The following ACTR3C variants were observed in gnomAD, a reference collection of about 807,000 sequenced individuals.
ACTR3C encodes the protein actin-related protein 3C.
ACTR3C carries 18 observed loss-of-function variants against 26.3 expected under a neutral mutation model. The observed-to-expected ratio is 0.68, with a 90% CI of 0.47 to 1.01. ACTR3C has a LOEUF of 1.01. Ranked by LOEUF, ACTR3C falls within the 50% of genes least tolerant of loss-of-function variation. The pLI, the probability that ACTR3C is intolerant of heterozygous loss-of-function variation, is 0.00. For synonymous variants in ACTR3C, 55 were observed against 94.5 expected (o/e 0.58, Z 2.42); for missense variants, 184 against 250.7 (o/e 0.73, Z 1.80).
chr7:149,926,329 A>G, the ACTR3C span, among the ~76,000 whole-genome samples: 1 of 152,192 alleles, frequency 6.6e-6, no homozygotes, highest in South Asian at 2.1e-4. Flanking sequence ...TCCTGCTTGG[A>G]GGAATGGCCT....
chr7:150,177,887 T>C, the ACTR3C span, among the ~76,000 whole-genome samples: 3 of 150,854 alleles, frequency 2.0e-5, no homozygotes, highest in African/African-American at 5.0e-5. Context: ...ATATTGTAGA[T>C]AGACAATTAC....
the ACTR3C span, among the ~76,000 whole-genome samples, chr7:149,980,061 A>G: frequency 6.6e-6 from 1 of 152,230 alleles, no homozygotes; most frequent in Non-Finnish European, 1.5e-5. Flanking sequence ...ACTTTCTGAT[A>G]AAAGAGACAG....
At chr7:150,114,420 A>G in the ACTR3C span, among the ~76,000 whole-genome samples, 1 of 152,062 alleles carries the variant, frequency 6.6e-6, no homozygotes, top group Admixed American at 6.5e-5. Flanking sequence ...TTGTGTATCC[A>G]ATTTGGGGCC....
intron 7 of ACTR3C, chr7:150,247,877 C>T (rs1043888040): frequency 6.6e-6 from 1 of 152,122 alleles, no homozygotes; most frequent in African/African-American, 2.4e-5. Context: ...AGTGCCTGCT[C>T]CCACTTCACC....
chr7:150,035,425 G>A, the ACTR3C span, among the ~76,000 whole-genome samples: 2 of 76,426 alleles, frequency 2.6e-5, 1 homozygote, highest in African/African-American at 9.0e-5. Flanking sequence ...AGAGGGACTG[G>A]CTCTCAGTCC....
chr7:150,307,192 T>C lies in ACTR3C; in HGVS notation c.-51-11845A>G, dbSNP rs116146180. On this transcript the variant is annotated intron_variant, in intron 1 of 7. Coordinates refer to ENST00000683684, the MANE Select transcript of ACTR3C (RefSeq NM_001164458.2). ...CCTAGTTTTATACATTTTAGGGAGA[T>C]AGGAAATATCAATCAAATACATGTA... Among the ~76,000 whole-genome samples the C allele has an allele frequency of 6.7e-3, 1,018 of 152,328 alleles. 17 individuals are homozygous for C. Among genetic ancestry groups the C allele is most frequent in the African/African-American group, 0.022 (933 of 41,570 alleles).
chr7:149,989,793 C>T, the ACTR3C span, among the ~76,000 whole-genome samples: 2,336 of 152,244 alleles, frequency 0.015, 30 homozygotes, highest in Middle Eastern at 0.065. Context: ...TGGTTCTAAA[C>T]CCAGAAGTGG....
At chr7:150,195,101 A>T in the ACTR3C span, among the ~76,000 whole-genome samples, 2,989 of 135,036 alleles carry the variant, frequency 0.022, 101 homozygotes, top group African/African-American at 0.08. Context: ...TTCAAAATAC[A>T]TATATGTATA....
the ACTR3C span, among the ~76,000 whole-genome samples, chr7:150,123,374 A>G: frequency 9.2e-5 from 14 of 152,204 alleles, no homozygotes; most frequent in African/African-American, 3.4e-4. Flanking sequence ...AATGTGATAT[A>G]ATAGAGGGAG....
the ACTR3C span, among the ~76,000 whole-genome samples, chr7:150,237,113 G>A: frequency 6.6e-6 from 1 of 151,984 alleles, no homozygotes; most frequent in African/African-American, 2.4e-5. Context: ...TCCTGACTGT[G>A]CTCTGTCTTT....
intron 6 of ACTR3C, among the ~76,000 whole-genome samples, chr7:150,276,624 A>G (rs4015670): frequency 6.6e-6 from 1 of 152,366 alleles, no homozygotes; most frequent in African/African-American, 2.4e-5. Flanking sequence ...TGATGGGAAG[A>G]GACATAACAA....
chr7:150,034,639 C>A, the ACTR3C span, among the ~76,000 whole-genome samples: 5 of 148,466 alleles, frequency 3.4e-5, no homozygotes, highest in Admixed American at 6.7e-5. Flanking sequence ...GAGCTGCCTT[C>A]GGACCCGTCG....
chr7:150,239,368 A>G (rs1832044510), downstream of ACTR3C, among the ~76,000 whole-genome samples: 2 of 146,328 alleles, frequency 1.4e-5, no homozygotes, highest in South Asian at 4.3e-4. Flanking sequence ...TTGATGGTCA[A>G]TATACACACC....
At chr7:150,197,333 C>G in the ACTR3C span, among the ~76,000 whole-genome samples, 2 of 152,238 alleles carry the variant, frequency 1.3e-5, no homozygotes, top group African/African-American at 2.4e-5. Flanking sequence ...TACCAATTCA[C>G]CTGTTATTCC....
the ACTR3C span, among the ~76,000 whole-genome samples, chr7:149,931,110 C>T: frequency 6.6e-6 from 1 of 152,252 alleles, no homozygotes; most frequent in Non-Finnish European, 1.5e-5. Context: ...AGGTGATCCA[C>T]CTGCCTCAGA....
chr7:149,910,324 T>C, the ACTR3C span, among the ~76,000 whole-genome samples: 50 of 152,328 alleles, frequency 3.3e-4, no homozygotes, highest in African/African-American at 1.1e-3. Context: ...GACAAGAGCA[T>C]CTCTTCATCA....
the ACTR3C span, among the ~76,000 whole-genome samples, chr7:150,154,738 C>T: frequency 6.3e-4 from 94 of 150,024 alleles, no homozygotes; most frequent in African/African-American, 2.2e-3. Context: ...AGAAAATTCT[C>T]GTATTTGGAA....
chr7:150,173,478 G>C, the ACTR3C span, among the ~76,000 whole-genome samples: 11 of 147,838 alleles, frequency 7.4e-5, no homozygotes, highest in South Asian at 2.1e-3. Context: ...CTAGGTCTCT[G>C]GGCCTGTGAT....
chr7:150,313,577 C>G (rs1318304466), intron 1 of ACTR3C, among the ~76,000 whole-genome samples: 1 of 152,176 alleles, frequency 6.6e-6, no homozygotes, highest in Non-Finnish European at 1.5e-5. Context: ...TTCCTGAAAT[C>G]AAGAAGGGAG....
Sources: gnomAD v4.1 joint callset for allele counts (sites outside exome capture counted in the v4.1 genomes callset) on GRCh38, gnomAD v4.1.1 for gene constraint, MANE v1.5 for transcripts, NCBI Gene and HGNC (gene_info 2026-07-23, HGNC 2026-07-21) for gene names.